Variants in CKAP5 observed in about 807,000 individuals in gnomAD.
The protein encoded by CKAP5 is cytoskeleton-associated protein 5.
CKAP5 carries 27 observed loss-of-function variants against 232.8 expected under a neutral mutation model. That is an observed-to-expected ratio of 0.12 (90% confidence interval 0.09 to 0.16). CKAP5 has a LOEUF of 0.16. Among genes scored for constraint, CKAP5 ranks in the 10% least tolerant of loss-of-function variants. CKAP5 has a pLI of 1.00. For missense variants in CKAP5, 1,838 were observed against 2,424.7 expected, an observed-to-expected ratio of 0.76 and a Z score of 5.08; for synonymous variants, 785 against 841.1, an observed-to-expected ratio of 0.93 and a Z score of 1.16.
chr11:46,767,491 A>G (rs1413902055), intron 27 of CKAP5, 84 bp downstream of exon 27: 2 of 833,648 alleles, frequency 2.4e-6, no homozygotes, highest in Non-Finnish European at 3.9e-6. Flanking sequence ...TTTATATATA[A>G]TATGATCCTT....
At chr11:46,793,706 T>C (rs1442788631) in intron 13 of CKAP5, among the ~76,000 whole-genome samples, 1 of 152,208 alleles carries the variant, frequency 6.6e-6, no homozygotes, top group East Asian at 1.9e-4. Flanking sequence ...GCGGATCAAC[T>C]GAGGTCAGGA....
chr11:46,792,001 T>A (rs772370076), intron 13 of CKAP5, among the ~76,000 whole-genome samples: 6 of 152,212 alleles, frequency 3.9e-5, no homozygotes, highest in Non-Finnish European at 7.3e-5. Flanking sequence ...GGATACTAGT[T>A]TTTAACTAAA....
chr11:46,809,616 A>T (rs1034328276), intron 6 of CKAP5, 116 bp from the exon 7 acceptor site: 13 of 1,351,886 alleles, frequency 9.6e-6, no homozygotes, highest in African/African-American at 2.9e-5. Flanking sequence ...CAGAGTTATT[A>T]AAGCTACATG....
chr11:46,754,844 TGA>T (rs1442050013), intron 36 of CKAP5, 42 bp downstream of exon 36: 1 of 1,559,790 alleles, frequency 6.4e-7, no homozygotes, highest in East Asian at 2.3e-5. Flanking sequence ...CTCTGTAGGC[TGA>T]GAGATTGATG....
At position 46,760,545 on chromosome 11, in the gene CKAP5, ACAGG is replaced by A. The variant is rs368427426; in HGVS notation, c.4394+63_4394+66del. ...CAAGAACTCAAGATTATGTTACAGG[ACAGG>A]CTGTGAGCACACAAGGCAAAGGCCA... On this transcript the variant is annotated intron_variant, in intron 33 of 43. Coordinates refer to ENST00000529230, the MANE Select transcript of CKAP5 (RefSeq NM_001008938.4). 46 of 1,477,842 alleles carry A rather than the reference ACAGG, an allele frequency of 3.1e-5. No individual in the cohort carries two copies. In the African/African-American group the frequency reaches 4.8e-4, roughly 16 times the overall value. 91.5% of individuals were successfully genotyped at this position (1,477,842 alleles called of 1,614,324 possible).
rs569033446 is a variant in CKAP5 at position 46,841,986 on chromosome 11, A to C, written c.-38+4234T>G. Among the ~76,000 whole-genome samples the C allele has an allele frequency of 3.0e-3, 392 of 130,692 alleles. 2 individuals carry two copies. Among genetic ancestry groups the C allele is most frequent in the African/African-American group, 0.01 (371 of 35,408 alleles). 85.7% of individuals were successfully genotyped at this position (130,692 alleles called of 152,430 possible). On this transcript the variant is annotated intron_variant, in intron 1 of 43. Coordinates refer to ENST00000529230, the MANE Select transcript of CKAP5 (RefSeq NM_001008938.4). ...GCACTCCAGCCCTGGAGAAAGAGTA[A>C]GACTTTGGTTCAAAAAAAAAAAAAA...
chr11:46,752,217 C>CAT (rs1366264416), intron 38 of CKAP5, among the ~76,000 whole-genome samples: 25 of 123,884 alleles, frequency 2.0e-4, no homozygotes, highest in Admixed American at 7.3e-4. Context: ...CACACACACA[C>CAT]ACACACACAC....
chr11:46,841,605 C>A (rs1940053500), intron 1 of CKAP5, among the ~76,000 whole-genome samples: 1 of 152,128 alleles, frequency 6.6e-6, no homozygotes, highest in Non-Finnish European at 1.5e-5. Context: ...GTGCTGTCAT[C>A]AATTACTAAA....
At chr11:46,845,248 TA>T (rs1305493596) in intron 1 of CKAP5, among the ~76,000 whole-genome samples, 4 of 152,202 alleles carry the variant, frequency 2.6e-5, no homozygotes, top group African/African-American at 9.6e-5. Flanking sequence ...TAATTATGCA[TA>T]AGACAGGCAG....
In CKAP5 at chr11:46,790,017, T is replaced by C; in HGVS notation, c.1875+59A>G. 3.6e-6 allele frequency: 4 copies of C among 1,122,802 alleles called. No homozygotes were observed. The South Asian group carries it at 4.0e-5, about 11-fold the overall frequency. 69.6% of individuals were successfully genotyped at this position (1,122,802 alleles called of 1,614,324 possible). A position where few individuals can be genotyped will look rare whatever the true frequency, so the allele number is the denominator to read the frequency against. ...TTAGGACAAATCCTTCATTCATCAATTTCGCTGCTTCCATATAATCTAATT... is the reference window on the plus strand; with the variant it reads ...TTAGGACAAATCCTTCATTCATCAACTTCGCTGCTTCCATATAATCTAATT... On this transcript the variant is annotated intron_variant, in intron 15 of 43. Coordinates refer to ENST00000529230, the MANE Select transcript of CKAP5 (RefSeq NM_001008938.4).
Position 46,760,442 on chromosome 11 carries a change from A to G in CKAP5, c.4394+170T>C, listed in dbSNP as rs12275214. On this transcript the variant is annotated intron_variant, in intron 33 of 43. Coordinates refer to ENST00000529230, the MANE Select transcript of CKAP5 (RefSeq NM_001008938.4). Reference sequence around the variant, plus strand: ...AGAAGTGGTTTTGAGACAAAGACAAAGACAATGAAGACTGAAGAATCAAAC... The same window carrying G: ...AGAAGTGGTTTTGAGACAAAGACAAGGACAATGAAGACTGAAGAATCAAAC... 94 of 722,000 alleles carry G rather than the reference A, an allele frequency of 1.3e-4. No homozygotes were observed. In the African/African-American group the frequency reaches 1.4e-3, roughly 11 times the overall value. 44.7% of individuals were successfully genotyped at this position (722,000 alleles called of 1,614,324 possible).
chr11:46,817,870 G>A (rs1236121245), intron 3 of CKAP5, among the ~76,000 whole-genome samples: 1 of 152,128 alleles, frequency 6.6e-6, no homozygotes, highest in African/African-American at 2.4e-5. Context: ...AACAAAGGGA[G>A]AAAGACATGA....
chr11:46,749,560 A>C (rs2065047260), intron 42 of CKAP5, among the ~76,000 whole-genome samples: 1 of 152,146 alleles, frequency 6.6e-6, no homozygotes, highest in African/African-American at 2.4e-5. Context: ...TGGAGATTTA[A>C]ATGTTATTTA....
intron 1 of CKAP5, among the ~76,000 whole-genome samples, chr11:46,844,376 A>C (rs1193368416): frequency 6.6e-6 from 1 of 152,176 alleles, no homozygotes; most frequent in Non-Finnish European, 1.5e-5. Flanking sequence ...CTTCATCTGT[A>C]TGCTTTGTAG....
intron 24 of CKAP5, among the ~76,000 whole-genome samples, chr11:46,773,425 T>A (rs2065266369): frequency 6.6e-6 from 1 of 152,042 alleles, no homozygotes; most frequent in Admixed American, 6.6e-5. Flanking sequence ...ATTTTTCTAT[T>A]TTTGGTAGAG....
Position 46,743,934 on chromosome 11 carries a change from T to C in CKAP5, c.*89A>G. ...GCATGATACATACAACCAGTTTGTA[T>C]ACACTAGGCCTGCTGAGGCCATTTT... On this transcript the variant is annotated 3_prime_UTR_variant, in exon 44 of 44. Transcript: ENST00000529230. The C allele has an allele frequency of 5.9e-6, 9 of 1,537,728 alleles. No individual in the cohort carries two copies. The highest frequency in any genetic ancestry group is 8.0e-6 in the Non-Finnish European group (9 of 1,121,906).
intron 25 of CKAP5, chr11:46,770,307 TCAC>T (rs2134605417): frequency 1.7e-6 from 1 of 592,196 alleles, no homozygotes; most frequent in Non-Finnish European, 3.0e-6. Flanking sequence ...GTCACAGTTT[TCAC>T]CCCTGTGAGG....
At chr11:46,753,545 A>G in intron 36 of CKAP5, 48 bp from the exon 37 acceptor site, 3 of 1,369,170 alleles carry the variant, frequency 2.2e-6, no homozygotes, top group Non-Finnish European at 3.0e-6. Flanking sequence ...CAATATAGAG[A>G]GTAAAGAAAT....
At position 46,763,560 on chromosome 11, in the gene CKAP5, C is replaced by G. The variant is rs771874545; in HGVS notation, c.3608G>C (p.Cys1203Ser). The G allele has an allele frequency of 1.2e-6, 2 of 1,604,456 alleles. No individual in the cohort carries two copies. The highest frequency in any genetic ancestry group is 1.7e-6 in the Non-Finnish European group (2 of 1,176,054). Residue 1203 changes from cysteine to serine, a missense_variant, in exon 29 of 44, where the codon TGT (cysteine) becomes TCT (serine). This residue lies in a region of CKAP5 where 767 missense variants were observed against 954.6 expected (regional missense o/e 0.80). Transcript: ENST00000529230. Reference protein sequence around the residue: ...IEQLKTQMSSCVAKWLQDEMF... With the variant: ...IEQLKTQMSSSVAKWLQDEMF... ...CTCATCTTGTAACCATTTAGCCACACAGCTAGACATTTGAGTCTTTAGTTG... is the reference window on the plus strand; with the variant it reads ...CTCATCTTGTAACCATTTAGCCACAGAGCTAGACATTTGAGTCTTTAGTTG...
Sources: gnomAD v4.1 joint callset for allele counts (sites outside exome capture counted in the v4.1 genomes callset) on GRCh38, gnomAD v4.1.1 for gene constraint, gnomAD v4.1.1 regional missense constraint, MANE v1.5 for transcripts, NCBI Gene and HGNC (gene_info 2026-07-23, HGNC 2026-07-21) for gene names.